The following TOGARAM1 variants were observed in gnomAD, a reference collection of about 807,000 sequenced individuals.
TOGARAM1 encodes TOG array regulator of axonemal microtubules protein 1.
Under a neutral mutation model 166.6 loss-of-function variants are expected in TOGARAM1, and 100 were observed. The observed-to-expected ratio is 0.60, with a 90% CI of 0.51 to 0.71. The LOEUF (loss-of-function observed/expected upper bound fraction) is 0.71. Among genes scored for constraint, TOGARAM1 ranks in the 30% least tolerant of loss-of-function variants. The pLI, the probability that TOGARAM1 is intolerant of heterozygous loss-of-function variation, is 0.00. For missense variants in TOGARAM1, 2,029 were observed against 2,102.7 expected, an observed-to-expected ratio of 0.96 and a Z score of 0.69; for synonymous variants, 758 against 763.8, an observed-to-expected ratio of 0.99 and a Z score of 0.13.
chr14:45,058,867 A>G (rs1594701238), intron 16 of TOGARAM1, among the ~76,000 whole-genome samples: 1 of 151,754 alleles, frequency 6.6e-6, no homozygotes, highest in African/African-American at 2.4e-5. Flanking sequence ...TCATGTTGCC[A>G]TTTGATTCCT....
At chr14:45,043,593 G>T (rs1394870509) in intron 11 of TOGARAM1, 93 bp from the exon 12 acceptor site, 3 of 775,240 alleles carry the variant, frequency 3.9e-6, no homozygotes, top group Non-Finnish European at 6.7e-6. Context: ...CTCTTCCTTG[G>T]CAATATTCCA....
At chr14:45,037,545 C>G (rs1881495890) in intron 11 of TOGARAM1, among the ~76,000 whole-genome samples, 1 of 152,118 alleles carries the variant, frequency 6.6e-6, no homozygotes, top group Non-Finnish European at 1.5e-5. Context: ...TAAAGAGGGT[C>G]ATTTTATAGT....
chr14:45,051,817 C>T (rs1302283845), intron 14 of TOGARAM1, among the ~76,000 whole-genome samples: 1 of 152,112 alleles, frequency 6.6e-6, no homozygotes, highest in Non-Finnish European at 1.5e-5. Context: ...GCCTTGGCCT[C>T]CCAAAGTGCT....
chr14:44,970,228 A>G (rs1248714471), intron 1 of TOGARAM1, among the ~76,000 whole-genome samples: 1 of 152,204 alleles, frequency 6.6e-6, no homozygotes, highest in African/African-American at 2.4e-5. Flanking sequence ...TTGGAGTTCT[A>G]TACTTTCCTC....
intron 1 of TOGARAM1, among the ~76,000 whole-genome samples, chr14:44,985,416 G>A (rs1886742684): frequency 6.6e-6 from 1 of 152,096 alleles, no homozygotes; most frequent in Admixed American, 6.5e-5. Flanking sequence ...TTGGAATCAG[G>A]GACCAGTTTC....
At chr14:44,994,400 T>A (rs1887314575) in intron 1 of TOGARAM1, among the ~76,000 whole-genome samples, 1 of 152,102 alleles carries the variant, frequency 6.6e-6, no homozygotes, top group Admixed American at 6.6e-5. Flanking sequence ...ATTATAGGCA[T>A]GAGCCATCAT....
intron 7 of TOGARAM1, among the ~76,000 whole-genome samples, chr14:45,021,972 C>T (rs373984618): frequency 2.0e-5 from 3 of 151,976 alleles, no homozygotes; most frequent in East Asian, 3.9e-4. Context: ...GGGAGAGTTT[C>T]GGATTCTTAG....
chr14:44,994,844 TTTTA>T (rs1887338805), intron 1 of TOGARAM1, among the ~76,000 whole-genome samples: 1 of 152,226 alleles, frequency 6.6e-6, no homozygotes, highest in Non-Finnish European at 1.5e-5. Flanking sequence ...TTACCTTTAA[TTTTA>T]TTTTGCCATT....
intron 1 of TOGARAM1, among the ~76,000 whole-genome samples, chr14:44,969,318 A>T (rs1256544882): frequency 6.6e-6 from 1 of 151,656 alleles, no homozygotes; most frequent in African/African-American, 2.4e-5. Flanking sequence ...TGCCCGGCTA[A>T]TTTTTTGTAT....
chr14:44,987,936 A>T (rs62000261), intron 1 of TOGARAM1, among the ~76,000 whole-genome samples: 13 of 151,392 alleles, frequency 8.6e-5, no homozygotes, highest in South Asian at 8.4e-4. Context: ...TAAAAAATGA[A>T]GAGTTCATGT....
intron 10 of TOGARAM1, among the ~76,000 whole-genome samples, chr14:45,029,355 A>G (rs1881032626): frequency 6.6e-6 from 1 of 152,232 alleles, no homozygotes; most frequent in South Asian, 2.1e-4. Flanking sequence ...GTAATAAATC[A>G]TAAATTTGGG....
chr14:45,064,078 C>A (rs1883029361), intron 16 of TOGARAM1, among the ~76,000 whole-genome samples: 1 of 152,086 alleles, frequency 6.6e-6, no homozygotes, highest in Non-Finnish European at 1.5e-5. Flanking sequence ...TATCCACTGA[C>A]CCCCACCCCC....
At chr14:44,969,101 CTT>C (rs1885721633) in intron 1 of TOGARAM1, among the ~76,000 whole-genome samples, 1 of 141,050 alleles carries the variant, frequency 7.1e-6, no homozygotes, top group Admixed American at 7.2e-5. Flanking sequence ...TACCTCATTT[CTT>C]TCTTTCTTTC....
intron 7 of TOGARAM1, among the ~76,000 whole-genome samples, chr14:45,015,259 A>G (rs1042405076): frequency 6.6e-6 from 1 of 151,984 alleles, no homozygotes; most frequent in Non-Finnish European, 1.5e-5. Flanking sequence ...GAGCCAAGAT[A>G]GTGCCAATGT....
In TOGARAM1 at chr14:45,053,870, A is replaced by ATAT. The variant is rs111579133; in HGVS notation, c.4441-538_4441-536dup. Among the ~76,000 whole-genome samples, 651 of 151,278 alleles carry ATAT rather than the reference A, an allele frequency of 4.3e-3. 7 individuals are homozygous for ATAT. The highest frequency in any genetic ancestry group is 0.01 in the East Asian group (54 of 5,178). ...AAGAAGAGTAGTTACGAAATACAGC[A>ATAT]TATTATTATTATTATTATTATTATT... On this transcript the variant is annotated intron_variant, in intron 15 of 19. Transcript: ENST00000361462.
chr14:44,971,714 A>C (rs1218132727), intron 1 of TOGARAM1, among the ~76,000 whole-genome samples: 2 of 152,184 alleles, frequency 1.3e-5, no homozygotes, highest in African/African-American at 2.4e-5. Context: ...CACCGCTTTC[A>C]CTGCATACCG....
At chr14:44,993,879 C>G (rs147598753) in intron 1 of TOGARAM1, among the ~76,000 whole-genome samples, 21 of 152,300 alleles carry the variant, frequency 1.4e-4, no homozygotes, top group Admixed American at 4.6e-4. Flanking sequence ...AGAAATTAAT[C>G]ACAAAGTAAA....
chr14:44,989,402 T>A (rs1268322927), intron 1 of TOGARAM1, among the ~76,000 whole-genome samples: 1 of 152,216 alleles, frequency 6.6e-6, no homozygotes, highest in Non-Finnish European at 1.5e-5. Flanking sequence ...AAACTGATCA[T>A]TGAATGTTAT....
In TOGARAM1 at chr14:45,046,619, G is replaced by T. The variant is rs537420885; in HGVS notation, c.4229G>T (p.Arg1410Leu). 37 of 1,419,398 alleles carry T rather than the reference G, an allele frequency of 2.6e-5. No homozygotes were observed. The highest frequency in any genetic ancestry group is 3.0e-5 in the Non-Finnish European group (32 of 1,079,692). The allele number at this position is 1,419,398 out of a possible 1,614,324, so 87.9% of individuals were successfully genotyped here. A position where few individuals can be genotyped will look rare whatever the true frequency, so the allele number is the denominator to read the frequency against. The change falls in exon 14 of 20, where the codon CGT becomes CTT. Residue 1410 changes from arginine to leucine, a missense_variant. Physicochemically the swap from Arg to Leu is moderately radical, Grantham distance 102 (BLOSUM62 -2). Around this residue, in one of 2 missense-constraint regions of TOGARAM1, gnomAD observed 576 missense variants for 670.5 expected, o/e 0.86. Transcript: ENST00000361462. ...SDVLEFMEPE[R>L]ILSAAKDMAE... Reference sequence around the variant, plus strand: ...GTATTGGAATTTATGGAACCAGAACGTATTTTATCTGCAGCAAAGGATATG... The same window carrying T: ...GTATTGGAATTTATGGAACCAGAACTTATTTTATCTGCAGCAAAGGATATG...
Sources: allele counts gnomAD v4.1 joint callset (sites outside exome capture counted in the v4.1 genomes callset), GRCh38; gene constraint gnomAD v4.1.1; regional missense constraint gnomAD v4.1.1; transcripts MANE v1.5; gene names NCBI Gene and HGNC (gene_info 2026-07-23, HGNC 2026-07-21).